Variants in CWF19L2 observed in about 807,000 individuals in gnomAD.
The protein encoded by CWF19L2 is CWF19 like cell cycle control factor 2.
CWF19L2 carries 98 observed loss-of-function variants against 111.7 expected under a neutral mutation model. The observed-to-expected ratio is 0.88, with a 90% confidence interval of 0.75 to 1.04. The LOEUF (loss-of-function observed/expected upper bound fraction) is 1.04. CWF19L2 is among the 50% of genes least tolerant of loss of function. CWF19L2 has a pLI of 0.00. For missense variants in CWF19L2, 1,101 were observed against 1,051.4 expected, an observed-to-expected ratio of 1.05 and a Z score of -0.65; for synonymous variants, 351 against 342.9, an observed-to-expected ratio of 1.02 and a Z score of -0.26.
At chr11:107,381,110 A>G (rs1051184470) in intron 12 of CWF19L2, among the ~76,000 whole-genome samples, 3 of 152,148 alleles carry the variant, frequency 2.0e-5, no homozygotes, top group Admixed American at 6.5e-5. Flanking sequence ...ATGGGTATAG[A>G]GCTTCTGTCT....
chr11:107,404,496 T>C lies in CWF19L2; in HGVS notation c.1618-11601A>G, dbSNP rs565833970. 12 of 739,216 alleles carry C rather than the reference T, an allele frequency of 1.6e-5. No homozygotes were observed. The African/African-American group carries it at 2.1e-4, about 13-fold the overall frequency. 45.8% of individuals were successfully genotyped at this position (739,216 alleles called of 1,614,324 possible). On this transcript the variant is annotated intron_variant, in intron 10 of 17. Transcript: ENST00000282251. ...CCTTAGTTGTTGTAGGCGAGATGAC[T>C]GTATGGACTGTATCCCACAAACCTT...
chr11:107,333,914 C>T (rs1859885168), intron 16 of CWF19L2, among the ~76,000 whole-genome samples: 2 of 152,150 alleles, frequency 1.3e-5, no homozygotes, highest in Non-Finnish European at 1.5e-5. Context: ...CTTTAGGCTT[C>T]GCAGGTCATA....
chr11:107,388,358 A>G (rs758953779), intron 12 of CWF19L2, among the ~76,000 whole-genome samples: 8 of 152,084 alleles, frequency 5.3e-5, no homozygotes, highest in Non-Finnish European at 8.8e-5. Context: ...GTCTTCAATA[A>G]TAACTGTTGA....
chr11:107,388,302 T>C (rs1860799946), intron 12 of CWF19L2, among the ~76,000 whole-genome samples: 1 of 152,226 alleles, frequency 6.6e-6, no homozygotes, highest in Non-Finnish European at 1.5e-5. Context: ...TTGACTTAAT[T>C]GCTTCTCTGT....
At chr11:107,370,486 TAGAG>T (rs1860491711) in intron 12 of CWF19L2, among the ~76,000 whole-genome samples, 1 of 133,554 alleles carries the variant, frequency 7.5e-6, no homozygotes, top group South Asian at 2.5e-4. Flanking sequence ...ACTAACATAT[TAGAG>T]AGAGAAGTTT....
intron 11 of CWF19L2, 54 bp downstream of exon 11, chr11:107,392,725 C>G (rs1459148394): frequency 1.8e-6 from 2 of 1,088,864 alleles, no homozygotes; most frequent in African/African-American, 1.6e-5. Context: ...AAAGAAAGCC[C>G]CAAGGGGAAG....
In CWF19L2 at chr11:107,455,576, C is replaced by T; in HGVS notation, c.216+90G>A. The T allele has an allele frequency of 4.2e-6, 3 of 707,706 alleles. 1 individual carries two copies. The South Asian group carries it at 6.7e-5, about 16-fold the overall frequency. 43.8% of individuals were successfully genotyped at this position (707,706 alleles called of 1,614,324 possible). On this transcript the variant is annotated intron_variant, in intron 2 of 17. Coordinates refer to ENST00000282251, the MANE Select transcript of CWF19L2 (RefSeq NM_152434.3). ...ATATTCATTTTGTAACTTATGAAAA[C>T]ATTCTATAAAATTATTCATCCAATA...
intron 17 of CWF19L2, among the ~76,000 whole-genome samples, chr11:107,329,697 A>G (rs543437873): frequency 6.6e-6 from 1 of 152,292 alleles, no homozygotes; most frequent in Non-Finnish European, 1.5e-5. Flanking sequence ...AATTGTTGAC[A>G]CCGTCAAGAA....
At chr11:107,438,426 A>G (rs1367570258) in intron 6 of CWF19L2, among the ~76,000 whole-genome samples, 1 of 152,208 alleles carries the variant, frequency 6.6e-6, no homozygotes, top group Non-Finnish European at 1.5e-5. Context: ...GAAATTCTGA[A>G]TATACAAACC....
intron 7 of CWF19L2, among the ~76,000 whole-genome samples, chr11:107,430,123 CAGA>C (rs914314963): frequency 1.3e-5 from 2 of 150,496 alleles, no homozygotes; most frequent in Non-Finnish European, 3.0e-5. Context: ...GCCGATTTCT[CAGA>C]AGGACTCATC....
chr11:107,433,702 G>C lies in CWF19L2; in HGVS notation c.712C>G (p.Leu238Val), dbSNP rs751164413. ...TTCTCAGCTTGTTCCTTCATTCTTA[G>C]ATAAGATTTCCTTAGCCAGCTTAAT... is the stretch of plus-strand genomic sequence containing the variant. ...GGLSWLRKSYLRMKEQAEKQS... is the reference protein window; with the variant it reads ...GGLSWLRKSYVRMKEQAEKQS... The change falls in exon 7 of 18, where the codon CTA (leucine) becomes GTA (valine). Residue 238 changes from leucine (L) to valine (V), a missense_variant. Leu to Val is a conservative substitution (Grantham distance 32, BLOSUM62 1). Coordinates refer to ENST00000282251, the MANE Select transcript of CWF19L2 (RefSeq NM_152434.3). 1 of 1,592,168 alleles carries C rather than the reference G, an allele frequency of 6.3e-7. No individual in the cohort carries two copies.
chr11:107,419,541 A>T (rs899981430), intron 8 of CWF19L2, among the ~76,000 whole-genome samples: 2 of 152,202 alleles, frequency 1.3e-5, no homozygotes, highest in Admixed American at 6.5e-5. Flanking sequence ...TGTAAAAAAC[A>T]GCAGACAAGG....
At chr11:107,403,212 T>C (rs7358296) in intron 10 of CWF19L2, among the ~76,000 whole-genome samples, 46,858 of 150,938 alleles carry the variant, frequency 0.31, 7,433 homozygotes, top group Non-Finnish European at 0.34. Context: ...AAGAACTTAC[T>C]CATGTAACCA....
In CWF19L2 at chr11:107,373,822, G is replaced by A. The variant is rs1463101804; in HGVS notation, c.1872+16252C>T. Among the ~76,000 whole-genome samples the A allele has an allele frequency of 7.5e-5, 10 of 133,186 alleles. 1 individual carries two copies. The highest frequency in any genetic ancestry group is 2.1e-4 in the African/African-American group (7 of 33,352). The allele number at this position is 133,186 out of a possible 152,430, so 87.4% of individuals were successfully genotyped here. On this transcript the variant is annotated intron_variant, in intron 12 of 17. Transcript: ENST00000282251. ...AGGCTTCAGACGATCAAATTACTCC[G>A]ACCTACGGGAGGACACTCGAACCAA... is the stretch of plus-strand genomic sequence containing the variant.
intron 12 of CWF19L2, among the ~76,000 whole-genome samples, chr11:107,384,521 T>A (rs1443125290): frequency 1.3e-5 from 2 of 152,200 alleles, no homozygotes; most frequent in Non-Finnish European, 2.9e-5. Context: ...GATTTCTAAT[T>A]TTTGGATGAG....
intron 15 of CWF19L2, among the ~76,000 whole-genome samples, chr11:107,335,976 C>T (rs557705104): frequency 1.3e-3 from 205 of 152,206 alleles, no homozygotes; most frequent in African/African-American, 3.8e-3. Flanking sequence ...AATTCCAGCA[C>T]TTTGGGAGGC....
intron 17 of CWF19L2, among the ~76,000 whole-genome samples, chr11:107,328,138 CAAAAA>C (rs10578324): frequency 8.4e-6 from 1 of 118,422 alleles, no homozygotes; most frequent in Non-Finnish European, 1.7e-5. Flanking sequence ...TGTGGAGACT[CAAAAA>C]AAAAAAAAAA....
chr11:107,358,013 C>T (rs1430036628), intron 12 of CWF19L2, among the ~76,000 whole-genome samples: 1 of 152,108 alleles, frequency 6.6e-6, no homozygotes, highest in African/African-American at 2.4e-5. Flanking sequence ...ATTTGGCGCA[C>T]CATAAACACA....
At chr11:107,413,033 A>T (rs1167174788) in intron 10 of CWF19L2, among the ~76,000 whole-genome samples, 1 of 152,244 alleles carries the variant, frequency 6.6e-6, no homozygotes, top group Admixed American at 6.5e-5. Flanking sequence ...ACTCTGTATG[A>T]TACTACAATG....
Sources: allele counts gnomAD v4.1 joint callset (sites outside exome capture counted in the v4.1 genomes callset), GRCh38; gene constraint gnomAD v4.1.1; transcripts MANE v1.5; gene names NCBI Gene and HGNC (gene_info 2026-07-23, HGNC 2026-07-21).